CDX1: variants seen among roughly 807,000 people sequenced by gnomAD.
CDX1 encodes the protein caudal type homeobox 1.
Under a neutral mutation model 16.9 loss-of-function variants are expected in CDX1, and 9 were observed. The observed-to-expected ratio is 0.53, with a 90% CI of 0.32 to 0.93. The LOEUF is 0.93. Among genes scored for constraint, CDX1 ranks in the 40% least tolerant of loss-of-function variants. The pLI is 0.04. For synonymous variants in CDX1, 179 were observed against 179.0 expected, an observed-to-expected ratio of 1.00 and a Z score of 0.00; for missense variants, 393 against 386.1, an observed-to-expected ratio of 1.02 and a Z score of -0.15.
chr5:150,183,446 A>C (rs755980462), intron 2 of CDX1, 28 bp from the exon 3 acceptor site: 2 of 1,559,914 alleles, frequency 1.3e-6, no homozygotes, highest in Non-Finnish European at 1.7e-6. Context: ...CCTGCTGCCC[A>C]CTCCATCTCT....
rs1020927685 is a variant in CDX1 at position 150,175,113 on chromosome 5, TATC to T, written c.446-7640_446-7638del. Among the ~76,000 whole-genome samples the T allele has an allele frequency of 3.3e-5, 5 of 152,264 alleles. No individual in the cohort carries two copies. The East Asian group carries it at 7.7e-4, about 23-fold the overall frequency. Reference sequence around the variant, plus strand: ...TCTTTCAGCTTCTTTGTCTCTGTAGTATCATCATCATCATCATAGTTTTTATTA... The same window carrying T: ...TCTTTCAGCTTCTTTGTCTCTGTAGTATCATCATCATCATAGTTTTTATTA... On this transcript the variant is annotated intron_variant, in intron 1 of 2. Coordinates refer to ENST00000231656, the MANE Select transcript of CDX1 (RefSeq NM_001804.3).
chr5:150,173,153 A>AT (rs1761528603), intron 1 of CDX1, among the ~76,000 whole-genome samples: 1 of 152,128 alleles, frequency 6.6e-6, no homozygotes, highest in African/African-American at 2.4e-5. Flanking sequence ...CCAAATCCAT[A>AT]TCCCTCTCCT....
At chr5:150,169,117 G>A (rs541105305) in intron 1 of CDX1, among the ~76,000 whole-genome samples, 3 of 152,232 alleles carry the variant, frequency 2.0e-5, no homozygotes, top group Non-Finnish European at 4.4e-5. Flanking sequence ...GAGATGAATG[G>A]GGAGGTTCCC....
rs1346549243 is a variant in CDX1, at chr5:150,167,105, G to A, written c.229G>A (p.Gly77Ser). The stretch of plus-strand genomic sequence containing the variant: ...CAAGGACGACTGGGCCGCCGCCTAC[G>A]GCCCGGGCCCCGCGGCCCCTGCCGC... ...APKDDWAAAY[G>S]PGPAAPAASP... The change falls in exon 1 of 3, where the codon GGC becomes AGC. Residue 77 changes from glycine to serine, a missense_variant. Physicochemically the swap from Gly to Ser is moderately conservative, Grantham distance 56. Coordinates refer to ENST00000231656, the MANE Select transcript of CDX1 (RefSeq NM_001804.3). 6 of 1,348,930 alleles carry A rather than the reference G, an allele frequency of 4.4e-6. 1 individual carries two copies. The South Asian group carries it at 1.1e-4, about 26-fold the overall frequency. The allele number at this position is 1,348,930 out of a possible 1,614,324, so 83.6% of individuals were successfully genotyped here.
In CDX1 at chr5:150,167,076, C is replaced by T. The variant is rs1426514731; in HGVS notation, c.200C>T (p.Ala67Val). 4.3e-6 allele frequency: 6 copies of T among 1,403,756 alleles called. No homozygotes were observed. The highest frequency in any genetic ancestry group is 5.5e-6 in the Non-Finnish European group (6 of 1,085,852). 87.0% of individuals were successfully genotyped at this position (1,403,756 alleles called of 1,614,324 possible). ...ACGGCCTGGGGGGCGCCCTTCCCTG[C>T]GCCCAAGGACGACTGGGCCGCCGCC... is the stretch of plus-strand genomic sequence containing the variant. The part of the protein sequence containing the change: ...PPTAWGAPFP[A>V]PKDDWAAAYG... The change falls in exon 1 of 3, where the codon GCG becomes GTG. Residue 67 changes from alanine to valine, a missense_variant. Ala to Val is a moderately conservative substitution (Grantham distance 64). Coordinates refer to ENST00000231656, the MANE Select transcript of CDX1 (RefSeq NM_001804.3).
In CDX1 at chr5:150,169,032, AG is replaced by A. The variant is rs1761470961; in HGVS notation, c.445+1713del. ...AGGATCCTGCAGTTCCCAGTCTGTGAGGCTCTGGAGAAGGAAGCCTGTGTTT... is the reference window on the plus strand; with the variant it reads ...AGGATCCTGCAGTTCCCAGTCTGTGAGCTCTGGAGAAGGAAGCCTGTGTTT... On this transcript the variant is annotated intron_variant, in intron 1 of 2. Transcript: ENST00000231656. Among the ~76,000 whole-genome samples, 4 of 152,272 alleles carry A rather than the reference AG, an allele frequency of 2.6e-5. No homozygotes were observed. In the South Asian group the frequency reaches 8.3e-4, roughly 32 times the overall value.
intron 1 of CDX1, among the ~76,000 whole-genome samples, chr5:150,180,555 G>T (rs1348281146): frequency 2.0e-5 from 3 of 152,164 alleles, no homozygotes; most frequent in African/African-American, 7.2e-5. Context: ...GTTAGTACAG[G>T]GGTGCTGAGG....
At chr5:150,175,402 T>C (rs1040597883) in intron 1 of CDX1, among the ~76,000 whole-genome samples, 1 of 152,138 alleles carries the variant, frequency 6.6e-6, no homozygotes, top group Non-Finnish European at 1.5e-5. Flanking sequence ...CAGCAGATGA[T>C]GCAAAGGTGG....
In CDX1 at chr5:150,183,489, C is replaced by T; in HGVS notation, c.607C>T (p.Gln203Ter). 6.2e-7 allele frequency: 1 copy of T among 1,605,468 alleles called. No individual in the cohort carries two copies. Among genetic ancestry groups the T allele is most frequent in the South Asian group, 1.1e-5 (1 of 89,874 alleles). The change falls in exon 3 of 3, where the codon CAA becomes TAA. Residue 203 changes from glutamine to a stop codon, truncating the protein, a stop_gained. Coordinates refer to ENST00000231656, the MANE Select transcript of CDX1 (RefSeq NM_001804.3). LOFTEE classifies it low-confidence loss of function (END_TRUNC). ...LTERQVKIWFQNRRAKERKVN... is the reference protein window; with the variant it reads ...LTERQVKIWF Reference sequence around the variant, plus strand: ...AACCCCACAGGTGAAGATCTGGTTCCAAAACCGGCGGGCAAAGGAGCGCAA... The same window carrying T: ...AACCCCACAGGTGAAGATCTGGTTCTAAAACCGGCGGGCAAAGGAGCGCAA...
At chr5:150,180,591 CAAG>C (rs150241852) in intron 1 of CDX1, among the ~76,000 whole-genome samples, 1 of 152,198 alleles carries the variant, frequency 6.6e-6, no homozygotes, top group African/African-American at 2.4e-5. Flanking sequence ...GGCTGAAACC[CAAG>C]AAGATGAAGG....
chr5:150,180,730 C>T (rs1412282599), intron 1 of CDX1, among the ~76,000 whole-genome samples: 5 of 152,248 alleles, frequency 3.3e-5, no homozygotes, highest in East Asian at 1.9e-4. Flanking sequence ...TTTATAGCCA[C>T]GTGCTCAGCT....
intron 1 of CDX1, among the ~76,000 whole-genome samples, chr5:150,180,280 T>G (rs1053081624): frequency 2.0e-5 from 3 of 152,220 alleles, no homozygotes; most frequent in African/African-American, 7.2e-5. Flanking sequence ...AGCCACTCCC[T>G]TATCCCTTTC....
chr5:150,171,842 C>T (rs957375437), intron 1 of CDX1, among the ~76,000 whole-genome samples: 3 of 152,224 alleles, frequency 2.0e-5, no homozygotes, highest in African/African-American at 7.2e-5. Flanking sequence ...TAATTTGGAT[C>T]ATTTCTCGGA....
intron 1 of CDX1, among the ~76,000 whole-genome samples, chr5:150,173,204 C>CTCAT (rs747972930): frequency 2.6e-5 from 4 of 152,230 alleles, no homozygotes; most frequent in South Asian, 4.1e-4. Flanking sequence ...TTGTGCCTCT[C>CTCAT]TCATTCATTC....
chr5:150,182,776 C>T lies in CDX1; in HGVS notation c.454C>T (p.Arg152Trp), dbSNP rs1450652311. 8.2e-6 allele frequency: 13 copies of T among 1,582,548 alleles called. No homozygotes were observed. The highest frequency in any genetic ancestry group is 3.6e-5 in the Admixed American group (2 of 54,950). ...AGGGGGSGKTRTKDKYRVVYT... is the reference protein window; with the variant it reads ...AGGGGGSGKTWTKDKYRVVYT... ...CTCCTTCTGCTTCTCAGGTAAGACT[C>T]GGACCAAGGACAAGTACCGCGTGGT... The change falls in exon 2 of 3, where the codon CGG becomes TGG. Residue 152 changes from arginine (R) to tryptophan (W), a missense_variant. Transcript: ENST00000231656.
Position 150,183,789 on chromosome 5 carries a change from C to A in CDX1, c.*109C>A. 1 of 864,076 alleles carries A rather than the reference C, an allele frequency of 1.2e-6. No homozygotes were observed. Among genetic ancestry groups the A allele is most frequent in the Non-Finnish European group, 1.7e-6 (1 of 580,566 alleles). 53.5% of individuals were successfully genotyped at this position (864,076 alleles called of 1,614,324 possible). A position where few individuals can be genotyped will look rare whatever the true frequency, so the allele number is the denominator to read the frequency against. Reference sequence around the variant, plus strand: ...GAGTCTCAGCCCTGACCTTCTGGGACATGGTGGACAGTCACCTATCCACCC... The same window carrying A: ...GAGTCTCAGCCCTGACCTTCTGGGAAATGGTGGACAGTCACCTATCCACCC... On this transcript the variant is annotated 3_prime_UTR_variant, in exon 3 of 3. Coordinates refer to ENST00000231656, the MANE Select transcript of CDX1 (RefSeq NM_001804.3).
chr5:150,182,570 G>A (rs1752469458), intron 1 of CDX1, among the ~76,000 whole-genome samples, 198 bp from the exon 2 acceptor site: 1 of 152,198 alleles, frequency 6.6e-6, no homozygotes, highest in Admixed American at 6.5e-5. Flanking sequence ...AGGAGTACTT[G>A]CCTCCCAGAC....
chr5:150,175,586 A>T (rs1471205718), intron 1 of CDX1, among the ~76,000 whole-genome samples: 1 of 152,112 alleles, frequency 6.6e-6, no homozygotes, highest in South Asian at 2.1e-4. Context: ...TGAGTGAGGA[A>T]CCATGATATT....
intron 1 of CDX1, among the ~76,000 whole-genome samples, chr5:150,167,603 AACT>A (rs1761448807): frequency 6.6e-6 from 1 of 152,154 alleles, no homozygotes; most frequent in Non-Finnish European, 1.5e-5. Context: ...GCAAGACCCG[AACT>A]AGAACGCAGG....
Sources: allele counts gnomAD v4.1 joint callset (sites outside exome capture counted in the v4.1 genomes callset), GRCh38; gene constraint gnomAD v4.1.1; transcripts MANE v1.5; gene names NCBI Gene and HGNC (gene_info 2026-07-23, HGNC 2026-07-21).